The following REPS1 variants were observed in gnomAD, a reference collection of about 807,000 sequenced individuals.
REPS1 encodes the protein RALBP1 associated Eps domain containing 1.
REPS1 carries 39 observed loss-of-function variants against 100.9 expected under a neutral mutation model. The ratio of observed to expected loss-of-function variants is 0.39; its 90% CI spans 0.30 to 0.50. The LOEUF is 0.50. Among genes scored for constraint, REPS1 ranks in the 20% least tolerant of loss-of-function variants. REPS1 has a pLI of 0.86. For missense variants in REPS1, 821 were observed against 968.5 expected, an observed-to-expected ratio of 0.85 and a Z score of 2.02; for synonymous variants, 324 against 340.3, an observed-to-expected ratio of 0.95 and a Z score of 0.53.
chr6:138,911,092 TTAACA>T, intron 17 of REPS1, 179 bp downstream of exon 17: 3 of 525,356 alleles, frequency 5.7e-6, no homozygotes, highest in African/African-American at 3.8e-5. Flanking sequence ...TGACACATAC[TTAACA>T]TAGATTACAG....
At chr6:138,958,185 A>AT (rs1248819325) in intron 1 of REPS1, among the ~76,000 whole-genome samples, 2 of 152,218 alleles carry the variant, frequency 1.3e-5, no homozygotes, top group Non-Finnish European at 1.5e-5. Context: ...ATAAACCTAC[A>AT]TAAAGTGGAG....
rs200280771 is a variant in REPS1, at chr6:138,947,930, T to C, written c.154-17A>G. ...CTCCATGATCTATAAAATAACATAATGTTAACATTAAGATTCACAACAAAA... is the reference window on the plus strand; with the variant it reads ...CTCCATGATCTATAAAATAACATAACGTTAACATTAAGATTCACAACAAAA... On this transcript the variant is annotated splice_polypyrimidine_tract_variant and intron_variant, in intron 1 of 19. Transcript: ENST00000450536. 6.3e-5 allele frequency: 99 copies of C among 1,567,902 alleles called. No homozygotes were observed. In the East Asian group the frequency reaches 1.3e-3, roughly 20 times the overall value.
chr6:138,907,311 AAAGTGTGTGTGT>A, intron 19 of REPS1, 172 bp downstream of exon 19: 1 of 143,762 alleles, frequency 7.0e-6, no homozygotes, highest in Non-Finnish European at 1.3e-5. Context: ...AAAAAAAAAA[AAAGTGTGTGTGT>A]GTGTGTGTGT....
chr6:138,945,467 C>A (rs1279161756), intron 3 of REPS1, 34 bp downstream of exon 3: 9 of 1,581,452 alleles, frequency 5.7e-6, no homozygotes, highest in Non-Finnish European at 7.7e-6. Context: ...TTGCACAGGG[C>A]ATCAACTGCT....
At chr6:138,984,827 C>T (rs183621346) in intron 1 of REPS1, among the ~76,000 whole-genome samples, 1 of 152,172 alleles carries the variant, frequency 6.6e-6, no homozygotes, top group Non-Finnish European at 1.5e-5. Flanking sequence ...CTCCATCCAA[C>T]CTTGATAATC....
chr6:138,921,985 G>GTGTGTGTGTGTGTA (rs1780803405), intron 10 of REPS1, among the ~76,000 whole-genome samples: 2 of 127,460 alleles, frequency 1.6e-5, no homozygotes, highest in Non-Finnish European at 3.1e-5. Context: ...AAGTGTGTGT[G>GTGTGTGTGTGTGTA]TGTGTGTGTG....
intron 15 of REPS1, among the ~76,000 whole-genome samples, chr6:138,914,445 T>C (rs1488284830): frequency 6.6e-6 from 1 of 152,234 alleles, no homozygotes; most frequent in African/African-American, 2.4e-5. Context: ...CAATCCATTG[T>C]TGTTTCCACT....
intron 17 of REPS1, among the ~76,000 whole-genome samples, chr6:138,910,293 C>T (rs933734463): frequency 1.3e-5 from 2 of 152,212 alleles, no homozygotes; most frequent in African/African-American, 4.8e-5. Flanking sequence ...CCTGAGGCTT[C>T]ACAAGAAGCA....
chr6:138,922,125 G>A (rs987025111), intron 10 of REPS1, among the ~76,000 whole-genome samples: 2 of 152,280 alleles, frequency 1.3e-5, no homozygotes, highest in Non-Finnish European at 1.5e-5. Flanking sequence ...ACTATTTCAT[G>A]AGAATCCAAA....
chr6:138,961,734 T>C (rs988658733), intron 1 of REPS1, among the ~76,000 whole-genome samples: 1 of 152,160 alleles, frequency 6.6e-6, no homozygotes, highest in African/African-American at 2.4e-5. Context: ...AGACCATACT[T>C]TGAGAAATGT....
In REPS1 at chr6:138,958,095, A is replaced by G. The variant is rs1783514629; in HGVS notation, c.154-10182T>C. The stretch of plus-strand genomic sequence containing the variant: ...TTTCAAAGGTAACAGAGAACCTGAC[A>G]TAAAATTTGAGGGAATACAGAGAAG... On this transcript the variant is annotated intron_variant, in intron 1 of 19. Coordinates refer to ENST00000450536, the MANE Select transcript of REPS1 (RefSeq NM_001286611.2). Among the ~76,000 whole-genome samples the G allele has an allele frequency of 2.0e-5, 3 of 152,354 alleles. No homozygotes were observed. In the South Asian group the frequency reaches 6.2e-4, roughly 32 times the overall value.
chr6:138,960,610 A>T (rs1783673688), intron 1 of REPS1, among the ~76,000 whole-genome samples: 1 of 152,128 alleles, frequency 6.6e-6, no homozygotes, highest in Admixed American at 6.6e-5. Flanking sequence ...ATTTATTGGG[A>T]TATGCTGCTT....
intron 16 of REPS1, among the ~76,000 whole-genome samples, chr6:138,912,246 T>C (rs1265857551): frequency 1.3e-5 from 2 of 152,206 alleles, no homozygotes; most frequent in African/African-American, 4.8e-5. Flanking sequence ...CCTAGAACAC[T>C]GTGAATATTA....
At chr6:138,955,457 A>AAGTGTGTGGGTGTGT (rs10689184) in intron 1 of REPS1, among the ~76,000 whole-genome samples, 1 of 90,734 alleles carries the variant, frequency 1.1e-5, no homozygotes, top group African/African-American at 5.1e-5. Context: ...AAAAAAAAAA[A>AAGTGTGTGGGTGTGT]GTGTGTGTGT....
At chr6:138,957,612 G>C (rs1171653961) in intron 1 of REPS1, among the ~76,000 whole-genome samples, 1 of 152,180 alleles carries the variant, frequency 6.6e-6, no homozygotes, top group Non-Finnish European at 1.5e-5. Flanking sequence ...AAAAGTTGCA[G>C]GATGTCAGCT....
At chr6:138,921,153 T>C (rs751481321) in intron 10 of REPS1, 29 bp from the exon 11 acceptor site, 1 of 1,446,614 alleles carries the variant, frequency 6.9e-7, no homozygotes, top group South Asian at 1.2e-5. Context: ...AAATAAAGAA[T>C]TTGTATTAAA....
chr6:138,977,023 T>C (rs1184400705), intron 1 of REPS1, among the ~76,000 whole-genome samples: 1 of 152,234 alleles, frequency 6.6e-6, no homozygotes, highest in African/African-American at 2.4e-5. Flanking sequence ...ATTCAACCTT[T>C]ACATTCCCCA....
intron 10 of REPS1, 84 bp downstream of exon 10, chr6:138,926,317 T>C: frequency 3.1e-6 from 3 of 979,404 alleles, no homozygotes; most frequent in South Asian, 1.4e-5. Context: ...CACTGAATCA[T>C]GCATATCAGC....
At chr6:138,980,204 T>C (rs550336788) in intron 1 of REPS1, among the ~76,000 whole-genome samples, 1 of 152,340 alleles carries the variant, frequency 6.6e-6, no homozygotes, top group South Asian at 2.1e-4. Flanking sequence ...TCTATCCTAC[T>C]GCCACCTCGC....
Sources: gnomAD v4.1 joint callset for allele counts (sites outside exome capture counted in the v4.1 genomes callset) on GRCh38, gnomAD v4.1.1 for gene constraint, MANE v1.5 for transcripts, NCBI Gene and HGNC (gene_info 2026-07-23, HGNC 2026-07-21) for gene names.